ARHGAP27: variants seen among roughly 807,000 people sequenced by gnomAD.
ARHGAP27 encodes Rho GTPase activating protein 27.
In ARHGAP27, 53 loss-of-function variants were observed where a neutral mutation model predicts 102.0. That is an observed-to-expected ratio of 0.52 (90% CI 0.42 to 0.65). The LOEUF is 0.65. ARHGAP27 is among the 30% of genes least tolerant of loss of function. The probability of loss-of-function intolerance (pLI) is 0.00; values close to 1 mark genes in which losing one functional copy is unlikely to be tolerated. For missense variants in ARHGAP27, 1,117 were observed against 1,256.2 expected (o/e 0.89, Z 1.68); for synonymous variants, 525 against 542.8 (o/e 0.97, Z 0.46).
At chr17:45,415,717 C>A (rs2048384728) in intron 4 of ARHGAP27, among the ~76,000 whole-genome samples, 1 of 152,142 alleles carries the variant, frequency 6.6e-6, no homozygotes, top group Non-Finnish European at 1.5e-5. Context: ...TCAGGTAACA[C>A]CAAGGTTAGA....
chr17:45,416,880 C>T (rs2048516069), intron 4 of ARHGAP27, among the ~76,000 whole-genome samples: 1 of 147,206 alleles, frequency 6.8e-6, no homozygotes, highest in Admixed American at 6.7e-5. Flanking sequence ...ATTGGCCGGG[C>T]GCGGTGGCTC....
At chr17:45,406,610 G>C (rs2047196613) in intron 4 of ARHGAP27, among the ~76,000 whole-genome samples, 1 of 152,254 alleles carries the variant, frequency 6.6e-6, no homozygotes. Context: ...GAACTGAGAA[G>C]TGGTCTGGGG....
chr17:45,411,564 G>C (rs915584423), intron 4 of ARHGAP27, among the ~76,000 whole-genome samples: 2 of 152,082 alleles, frequency 1.3e-5, no homozygotes, highest in African/African-American at 4.8e-5. Flanking sequence ...CACTTGTAGA[G>C]ATCACACTAG....
At position 45,395,972 on chromosome 17, in the gene ARHGAP27, C is replaced by T. The variant is rs371200722; in HGVS notation, c.2386+11G>A. ...CCTACCCCATCCGCCCCACCTGCCC[C>T]AGGTGCTCACTGATGGCCGCAATGA... On this transcript the variant is annotated intron_variant, in intron 18 of 19. Coordinates refer to ENST00000685559, the MANE Select transcript of ARHGAP27 (RefSeq NM_001282290.2). 1.1e-4 allele frequency: 172 copies of T among 1,605,144 alleles called. No homozygotes were observed. In the African/African-American group the frequency reaches 2.0e-3, roughly 18 times the overall value.
intron 4 of ARHGAP27, among the ~76,000 whole-genome samples, chr17:45,416,265 A>G (rs2048443795): frequency 6.6e-6 from 1 of 151,538 alleles, no homozygotes; most frequent in Non-Finnish European, 1.5e-5. Context: ...CGTGTTAGCC[A>G]GGATGGTCTC....
intron 4 of ARHGAP27, among the ~76,000 whole-genome samples, chr17:45,419,508 GTATGTATATATATATATATATA>G (rs1444997738): frequency 1.2e-3 from 106 of 86,396 alleles, no homozygotes; most frequent in African/African-American, 4.5e-3. Flanking sequence ...GACTTATGCT[GTATGTATATATATATATATATA>G]TATATATATA....
At position 45,429,844 on chromosome 17, in the gene ARHGAP27, G is replaced by C. The variant is rs1391292313; in HGVS notation, c.436C>G (p.Arg146Gly). The change falls in exon 4 of 20, where the codon CGG becomes GGG. Residue 146 changes from arginine to glycine, a missense_variant. This residue lies in a region of ARHGAP27 where 610 missense variants were observed against 716.4 expected (regional missense o/e 0.85). Transcript: ENST00000685559. ...GCGGGCCGCACGGGCGCCGCGGGCC[G>C]CAGGTACAGGCAGGCTGGCAGGCCG... The part of the protein sequence containing the change: ...APGLPACLYL[R>G]PAAPVRPAQS... The C allele has an allele frequency of 1.5e-6, 2 of 1,365,704 alleles. No homozygotes were observed. The highest frequency in any genetic ancestry group is 1.9e-6 in the Non-Finnish European group (2 of 1,066,260). The allele number at this position is 1,365,704 out of a possible 1,614,324, so 84.6% of individuals were successfully genotyped here. A position where few individuals can be genotyped will look rare whatever the true frequency, so the allele number is the denominator to read the frequency against.
rs953727756 is a variant in ARHGAP27 at position 45,406,256 on chromosome 17, GTTC to G, written c.658-176_658-174del. Among the ~76,000 whole-genome samples, 5 of 152,216 alleles carry G rather than the reference GTTC, an allele frequency of 3.3e-5. No homozygotes were observed. In the East Asian group the frequency reaches 5.8e-4, roughly 18 times the overall value. ...ACAAAGCATTTTAAAAATCACGTAA[GTTC>G]TTCTGCTCACTGTGACACCATCACT... On this transcript the variant is annotated intron_variant, in intron 4 of 19. Coordinates refer to ENST00000685559, the MANE Select transcript of ARHGAP27 (RefSeq NM_001282290.2).
In ARHGAP27 at chr17:45,395,086, G is replaced by A. The variant is rs142236120; in HGVS notation, c.*370C>T. 1,143 of 283,854 alleles carry A rather than the reference G, an allele frequency of 4.0e-3. 8 individuals carry two copies. Among genetic ancestry groups the A allele is most frequent in the Non-Finnish European group, 6.2e-3 (926 of 149,084 alleles). 17.6% of individuals were successfully genotyped at this position (283,854 alleles called of 1,614,324 possible). On this transcript the variant is annotated 3_prime_UTR_variant, in exon 20 of 20. Coordinates refer to ENST00000685559, the MANE Select transcript of ARHGAP27 (RefSeq NM_001282290.2). ...GGCCTCCACGAGGTGAGGGCCAGAA[G>A]CAGCCAGGAAGCCCTCCATCAAACT...
Position 45,395,746 on chromosome 17 carries a change from G to A in ARHGAP27, c.2490C>T (p.Cys830=). Residue 830 remains cysteine (C), a splice_region_variant and synonymous_variant, in exon 19 of 20, where the codon TGC becomes TGT. Coordinates refer to ENST00000685559, the MANE Select transcript of ARHGAP27 (RefSeq NM_001282290.2). ...DTLRMLFQHL[C]RVIEHGEQNR... is the part of the protein sequence containing the mutation. The stretch of plus-strand genomic sequence containing the variant: ...CCCGCGCGGGCCGCCCGGCTCACCG[G>A]CAGAGGTGCTGGAAGAGCATCCGCA... 6.3e-7 allele frequency: 1 copy of A among 1,593,292 alleles called. No homozygotes were observed. Among genetic ancestry groups the A allele is most frequent in the Non-Finnish European group, 8.5e-7 (1 of 1,173,706 alleles).
At chr17:45,420,811 G>A (rs1292323587) in intron 4 of ARHGAP27, among the ~76,000 whole-genome samples, 3 of 151,684 alleles carry the variant, frequency 2.0e-5, no homozygotes, top group Non-Finnish European at 2.9e-5. Context: ...AAAATTAGCC[G>A]GGCATGTTGG....
At chr17:45,418,344 C>T (rs184182719) in intron 4 of ARHGAP27, among the ~76,000 whole-genome samples, 8 of 151,294 alleles carry the variant, frequency 5.3e-5, no homozygotes, top group Non-Finnish European at 2.9e-5. Flanking sequence ...ACCATATAAG[C>T]GTGTGGTCTC....
At chr17:45,422,551 T>C (rs974831778) in intron 4 of ARHGAP27, among the ~76,000 whole-genome samples, 1 of 151,840 alleles carries the variant, frequency 6.6e-6, no homozygotes, top group Non-Finnish European at 1.5e-5. Context: ...ATATAAACAA[T>C]AGAAGGGTGA....
intron 4 of ARHGAP27, among the ~76,000 whole-genome samples, chr17:45,422,992 C>T (rs2049187523): frequency 6.6e-6 from 1 of 151,878 alleles, no homozygotes; most frequent in African/African-American, 2.4e-5. Context: ...ACCAGCCTGG[C>T]CAACATGGCA....
At position 45,395,854 on chromosome 17, in the gene ARHGAP27, G is replaced by A; in HGVS notation, c.2387-5C>T. On this transcript the variant is annotated splice_region_variant and splice_polypyrimidine_tract_variant and intron_variant, in intron 18 of 19. Coordinates refer to ENST00000685559, the MANE Select transcript of ARHGAP27 (RefSeq NM_001282290.2). ...GCCGGGCCTGGTCCTGCAACTCTGGGTGAGGGAAGGTTTAGAGGGAGGGAG... is the reference window on the plus strand; with the variant it reads ...GCCGGGCCTGGTCCTGCAACTCTGGATGAGGGAAGGTTTAGAGGGAGGGAG... The A allele has an allele frequency of 6.3e-7, 1 of 1,598,848 alleles. No homozygotes were observed. Among genetic ancestry groups the A allele is most frequent in the Admixed American group, 1.7e-5 (1 of 58,312 alleles).
At position 45,430,154 on chromosome 17, in the gene ARHGAP27, G is replaced by T. The variant is rs761233109; in HGVS notation, c.126C>A (p.Thr42=). Residue 42 remains threonine, a synonymous_variant, in exon 4 of 20, where the codon ACC becomes ACA. Transcript: ENST00000685559. This position sits in a 1 kb window ranked among gnomAD's most constrained non-coding sequence, Gnocchi z 4.4. ...NERYRLLRRS[T]EHWWHVRREP... is the part of the protein sequence containing the mutation. ...CACGCCGCACGTGCCACCAGTGCTC[G>T]GTGCTGCGCCGCAGCAGCCGGTAGC... The T allele has an allele frequency of 2.8e-5, 43 of 1,535,036 alleles. No homozygotes were observed. The highest frequency in any genetic ancestry group is 3.6e-5 in the Non-Finnish European group (41 of 1,147,156).
chr17:45,398,385 C>T (rs2045998279), intron 12 of ARHGAP27, among the ~76,000 whole-genome samples: 1 of 152,188 alleles, frequency 6.6e-6, no homozygotes, highest in African/African-American at 2.4e-5. Context: ...TCCCTGCAAG[C>T]CACAGAACAT....
chr17:45,426,240 CTGTT>C (rs1043613968), intron 4 of ARHGAP27, among the ~76,000 whole-genome samples: 17 of 152,106 alleles, frequency 1.1e-4, no homozygotes, highest in African/African-American at 3.9e-4. Flanking sequence ...CTCTGAACCT[CTGTT>C]TGTACTCAGG....
At chr17:45,402,646 A>G (rs2046580652) in intron 12 of ARHGAP27, 68 bp downstream of exon 12, 19 of 1,410,220 alleles carry the variant, frequency 1.3e-5, no homozygotes, top group Non-Finnish European at 1.9e-5. Flanking sequence ...TTCCAGGTCA[A>G]TAGTTGTCAG....
Sources: allele counts gnomAD v4.1 joint callset (sites outside exome capture counted in the v4.1 genomes callset), GRCh38; gene constraint gnomAD v4.1.1; regional missense constraint gnomAD v4.1.1; non-coding constraint Gnocchi (gnomAD v3.1); transcripts MANE v1.5; gene names NCBI Gene and HGNC (gene_info 2026-07-23, HGNC 2026-07-21).